Variants in NEXN observed in about 807,000 individuals in gnomAD.
The protein encoded by NEXN is nexilin.
NEXN carries 65 observed loss-of-function variants against 92.6 expected under a neutral mutation model. The observed-to-expected ratio is 0.70, with a 90% CI of 0.57 to 0.86. The LOEUF (loss-of-function observed/expected upper bound fraction) is 0.86, where lower values mean the gene tolerates loss of function less well. Among genes scored for constraint, NEXN ranks in the 40% least tolerant of loss-of-function variants. The probability of loss-of-function intolerance (pLI) is 0.00; values close to 1 mark genes in which losing one functional copy is unlikely to be tolerated. For missense variants in NEXN, 778 were observed against 771.1 expected (o/e 1.01, Z -0.11); for synonymous variants, 254 against 242.5 (o/e 1.05, Z -0.44).
At chr1:77,917,014 G>GTT (rs1571111671) in intron 2 of NEXN, among the ~76,000 whole-genome samples, 1 of 152,260 alleles carries the variant, frequency 6.6e-6, no homozygotes, top group East Asian at 1.9e-4. Flanking sequence ...TGTGCACACA[G>GTT]ACCACGGTGT....
chr1:77,910,307 G>T (rs1648457799), intron 1 of NEXN, among the ~76,000 whole-genome samples: 1 of 152,090 alleles, frequency 6.6e-6, no homozygotes, highest in Admixed American at 6.6e-5. Flanking sequence ...ATCTAACATT[G>T]TACTGGAGGT....
intron 5 of NEXN, among the ~76,000 whole-genome samples, chr1:77,919,211 C>T (rs1649226377): frequency 6.6e-6 from 1 of 152,162 alleles, no homozygotes; most frequent in South Asian, 2.1e-4. Context: ...GAAACCACCC[C>T]CATCCCCATG....
chr1:77,925,783 C>A (rs1571133455), intron 6 of NEXN, among the ~76,000 whole-genome samples: 1 of 152,174 alleles, frequency 6.6e-6, no homozygotes, highest in East Asian at 1.9e-4. Context: ...AATTTTATCT[C>A]AGGGCCATGT....
intron 1 of NEXN, among the ~76,000 whole-genome samples, chr1:77,895,029 A>ATTTTTTTTTTTT (rs559226754): frequency 2.1e-4 from 13 of 61,654 alleles, no homozygotes; most frequent in African/African-American, 8.2e-4. Context: ...CTATAGTGTA[A>ATTTTTTTTTTTT]TTTTTTTTTT....
intron 11 of NEXN, among the ~76,000 whole-genome samples, chr1:77,937,159 C>T (rs976157292): frequency 5.9e-5 from 9 of 151,570 alleles, no homozygotes; most frequent in African/African-American, 2.2e-4. Flanking sequence ...TACAAATTAT[C>T]CGAGCACAGT....
chr1:77,924,677 T>C (rs1452510103), intron 5 of NEXN, among the ~76,000 whole-genome samples: 2 of 152,106 alleles, frequency 1.3e-5, no homozygotes, highest in African/African-American at 4.8e-5. Flanking sequence ...CTTTTTTTCT[T>C]GAAACAGGGT....
chr1:77,935,777 ACT>A lies in NEXN; in HGVS notation c.1252-40_1252-39del, dbSNP rs778143983. On this transcript the variant is annotated intron_variant, in intron 10 of 12. Coordinates refer to ENST00000334785, the MANE Select transcript of NEXN (RefSeq NM_144573.4). ...AGGCCAGCCTTGGCAACATAGTGAGACTCTCTCAAAAACAGCAGCAACAAACT... is the reference window on the plus strand; with the variant it reads ...AGGCCAGCCTTGGCAACATAGTGAGACTCTCAAAAACAGCAGCAACAAACT... The A allele has an allele frequency of 6.5e-6, 10 of 1,539,264 alleles. No individual in the cohort carries two copies. In the East Asian group the frequency reaches 1.6e-4, roughly 24 times the overall value.
intron 1 of NEXN, among the ~76,000 whole-genome samples, chr1:77,892,241 G>A (rs1253865929): frequency 6.6e-6 from 1 of 152,156 alleles, no homozygotes; most frequent in Non-Finnish European, 1.5e-5. Context: ...AGCTTTAGGG[G>A]TACCAAGTGG....
At chr1:77,942,281 T>TA (rs951788502) in intron 12 of NEXN, 73 bp downstream of exon 12, 21 of 1,514,194 alleles carry the variant, frequency 1.4e-5, no homozygotes, top group African/African-American at 1.2e-4. Context: ...TTAGGTAGGT[T>TA]AAAAAAATGT....
intron 11 of NEXN, among the ~76,000 whole-genome samples, chr1:77,939,879 G>A (rs1022802827): frequency 3.3e-5 from 5 of 152,136 alleles, no homozygotes; most frequent in Non-Finnish European, 5.9e-5. Flanking sequence ...TTCGAGACCA[G>A]CCTGGCCAAC....
At chr1:77,921,680 C>G (rs1649431278) in intron 5 of NEXN, among the ~76,000 whole-genome samples, 2 of 152,152 alleles carry the variant, frequency 1.3e-5, no homozygotes, top group South Asian at 4.1e-4. Flanking sequence ...GAGACCGAGG[C>G]AGGTGGACTG....
chr1:77,910,748 CAAAAAAAA>C (rs751080251), intron 1 of NEXN, among the ~76,000 whole-genome samples: 1 of 42,880 alleles, frequency 2.3e-5, no homozygotes, highest in South Asian at 9.8e-4. Flanking sequence ...GAGACTGTCT[CAAAAAAAA>C]AAAAAAAAAA....
chr1:77,925,432 T>C (rs1649768996), intron 6 of NEXN, among the ~76,000 whole-genome samples: 1 of 152,228 alleles, frequency 6.6e-6, no homozygotes, highest in Non-Finnish European at 1.5e-5. Flanking sequence ...AAAAGTATGT[T>C]TTGCTTTCAT....
Position 77,925,161 on chromosome 1 carries a change from T to C in NEXN, c.448-27T>C, listed in dbSNP as rs745880374. 3.4e-6 allele frequency: 5 copies of C among 1,492,266 alleles called. No individual in the cohort carries two copies. In the South Asian group the frequency reaches 3.5e-5, roughly 10 times the overall value. 92.4% of individuals were successfully genotyped at this position (1,492,266 alleles called of 1,614,324 possible). A position where few individuals can be genotyped will look rare whatever the true frequency, so the allele number is the denominator to read the frequency against. ...CAAAAAGTAGAAATCTGATGTAATG[T>C]AATGATATGAAATTCTCATTCAATA... On this transcript the variant is annotated intron_variant, in intron 5 of 12. Coordinates refer to ENST00000334785, the MANE Select transcript of NEXN (RefSeq NM_144573.4).
rs1420850700 is a variant in NEXN, at chr1:77,943,153, A to C, written c.*324A>C. On this transcript the variant is annotated 3_prime_UTR_variant, in exon 13 of 13. Coordinates refer to ENST00000334785, the MANE Select transcript of NEXN (RefSeq NM_144573.4). ...CAATAAAATGTACTTATGGGGGGGA[A>C]TTACTCAATTATTCTATCAGAACCT... is the stretch of plus-strand genomic sequence containing the variant. 2.9e-6 allele frequency: 1 copy of C among 346,978 alleles called. No homozygotes were observed. Among genetic ancestry groups the C allele is most frequent in the African/African-American group, 2.1e-5 (1 of 46,860 alleles). 21.5% of individuals were successfully genotyped at this position (346,978 alleles called of 1,614,324 possible). A position where few individuals can be genotyped will look rare whatever the true frequency, so the allele number is the denominator to read the frequency against.
At chr1:77,927,347 T>G (rs1439207988) in intron 8 of NEXN, among the ~76,000 whole-genome samples, 1 of 152,196 alleles carries the variant, frequency 6.6e-6, no homozygotes, top group Non-Finnish European at 1.5e-5. Context: ...ATTTTTATTT[T>G]TATACATTGT....
chr1:77,940,675 CAA>C (rs1218046828), intron 11 of NEXN, among the ~76,000 whole-genome samples: 13 of 151,872 alleles, frequency 8.6e-5, no homozygotes, highest in Admixed American at 5.9e-4. Context: ...TGGTAAACAA[CAA>C]AAAAAGTGTA....
At chr1:77,929,878 T>C (rs1277289492) in intron 9 of NEXN, among the ~76,000 whole-genome samples, 1 of 152,156 alleles carries the variant, frequency 6.6e-6, no homozygotes, top group Non-Finnish European at 1.5e-5. Flanking sequence ...ACTCCCTTTC[T>C]CCCTCCTTCA....
Position 77,943,185 on chromosome 1 carries a change from A to G in NEXN, c.*356A>G, listed in dbSNP as rs865984102. On this transcript the variant is annotated 3_prime_UTR_variant, in exon 13 of 13. Coordinates refer to ENST00000334785, the MANE Select transcript of NEXN (RefSeq NM_144573.4). ...AATTATTCTATCAGAACCTATTATAAAGACTGTATTTCCCATAGACGTTTA... is the reference window on the plus strand; with the variant it reads ...AATTATTCTATCAGAACCTATTATAGAGACTGTATTTCCCATAGACGTTTA... 3.4e-5 allele frequency: 10 copies of G among 297,290 alleles called. 1 individual carries two copies. Among genetic ancestry groups the G allele is most frequent in the South Asian group, 2.9e-4 (9 of 30,684 alleles). 18.4% of individuals were successfully genotyped at this position (297,290 alleles called of 1,614,324 possible).
Sources: gnomAD v4.1 joint callset for allele counts (sites outside exome capture counted in the v4.1 genomes callset) on GRCh38, gnomAD v4.1.1 for gene constraint, MANE v1.5 for transcripts, NCBI Gene and HGNC (gene_info 2026-07-23, HGNC 2026-07-21) for gene names.